The following RASEF variants were observed in gnomAD, a reference collection of about 807,000 sequenced individuals.
RASEF encodes ras and EF-hand domain-containing protein.
In RASEF, 68 loss-of-function variants were observed where a neutral mutation model predicts 90.1. The ratio of observed to expected loss-of-function variants is 0.75; its 90% confidence interval spans 0.62 to 0.92. RASEF has a LOEUF of 0.92. RASEF is among the 40% of genes least tolerant of loss of function. The probability of loss-of-function intolerance (pLI) is 0.00; values close to 1 mark genes in which losing one functional copy is unlikely to be tolerated. For missense variants in RASEF, 949 were observed against 937.2 expected, an observed-to-expected ratio of 1.01 and a Z score of -0.16; for synonymous variants, 331 against 345.2, an observed-to-expected ratio of 0.96 and a Z score of 0.46.
intron 4 of RASEF, 88 bp downstream of exon 4, chr9:83,015,717 T>C (rs1829331332): frequency 3.2e-6 from 3 of 939,512 alleles, no homozygotes; most frequent in African/African-American, 3.3e-5. Flanking sequence ...GCCACTTCAA[T>C]AGGATTCCAA....
rs780777041 is a variant in RASEF at position 83,012,428 on chromosome 9, T to C, written c.843+6A>G. ...GCATTTCTGTAAGTGAAAAGGTAATTCTTACCATTGATAAATCATAAATTT... is the reference window on the plus strand; with the variant it reads ...GCATTTCTGTAAGTGAAAAGGTAATCCTTACCATTGATAAATCATAAATTT... On this transcript the variant is annotated splice_donor_region_variant and intron_variant, in intron 5 of 16. Coordinates refer to ENST00000376447, the MANE Select transcript of RASEF (RefSeq NM_152573.4). 4.0e-6 allele frequency: 6 copies of C among 1,493,324 alleles called. No homozygotes were observed. Among genetic ancestry groups the C allele is most frequent in the South Asian group, 1.2e-5 (1 of 82,890 alleles). 92.5% of individuals were successfully genotyped at this position (1,493,324 alleles called of 1,614,324 possible). A position where few individuals can be genotyped will look rare whatever the true frequency, so the allele number is the denominator to read the frequency against.
chr9:83,022,605 G>C (rs1173488517), intron 2 of RASEF, among the ~76,000 whole-genome samples, 179 bp from the exon 3 acceptor site: 1 of 152,106 alleles, frequency 6.6e-6, no homozygotes, highest in African/African-American at 2.4e-5. Context: ...GACCATTTTG[G>C]TGTAAAATGA....
the RASEF span, among the ~76,000 whole-genome samples, chr9:83,177,587 A>G: frequency 2.0e-5 from 3 of 149,238 alleles, no homozygotes; most frequent in Admixed American, 1.3e-4. Context: ...TGCTAATCTT[A>G]TTGGATTATG....
the RASEF span, among the ~76,000 whole-genome samples, chr9:83,166,696 C>G: frequency 6.6e-6 from 1 of 152,100 alleles, no homozygotes; most frequent in South Asian, 2.1e-4. Context: ...ACCTGACAGA[C>G]TGACAGAGGA....
At position 82,981,743 on chromosome 9, in the gene RASEF, T is replaced by C. The variant is rs1191577425; in HGVS notation, c.*934A>G. On this transcript the variant is annotated 3_prime_UTR_variant, in exon 17 of 17. Coordinates refer to ENST00000376447, the MANE Select transcript of RASEF (RefSeq NM_152573.4). The stretch of plus-strand genomic sequence containing the variant: ...CTCATCATCGCCCAAAGAAACCACA[T>C]ACCTATTAGCAGTCACTCCCCATCC... The C allele has an allele frequency of 1.3e-5, 2 of 152,170 alleles. No individual in the cohort carries two copies. The highest frequency in any genetic ancestry group is 2.9e-5 in the Non-Finnish European group (2 of 68,048). The allele number at this position is 152,170 out of a possible 1,614,324, so 9.4% of individuals were successfully genotyped here.
At chr9:83,125,783 C>T in the RASEF span, among the ~76,000 whole-genome samples, 14 of 152,240 alleles carry the variant, frequency 9.2e-5, no homozygotes, top group South Asian at 4.1e-4. Flanking sequence ...AAGTTGCAGA[C>T]GGTACATTTT....
At chr9:83,105,311 G>A in the RASEF span, among the ~76,000 whole-genome samples, 1 of 152,046 alleles carries the variant, frequency 6.6e-6, no homozygotes, top group Non-Finnish European at 1.5e-5. Context: ...GCAGCACTAT[G>A]TTAAAAGTGA....
In RASEF at chr9:82,979,978, C is replaced by T. The variant is rs1828568687; in HGVS notation, c.*2699G>A. 2.0e-5 allele frequency: 3 copies of T among 151,912 alleles called. No homozygotes were observed. In the East Asian group the frequency reaches 5.8e-4, roughly 29 times the overall value. The allele number at this position is 151,912 out of a possible 1,614,324, so 9.4% of individuals were successfully genotyped here. On this transcript the variant is annotated 3_prime_UTR_variant, in exon 17 of 17. Transcript: ENST00000376447. ...CAGATCACATCAAGTGTTAAATAAT[C>T]AAATGTCACATATGTCATATAAAGC...
the RASEF span, among the ~76,000 whole-genome samples, chr9:83,185,651 C>T: frequency 1.3e-5 from 2 of 152,100 alleles, no homozygotes; most frequent in Non-Finnish European, 2.9e-5. Context: ...CACAATGAGT[C>T]TCCCAAGGCT....
chr9:83,182,838 T>C, the RASEF span, among the ~76,000 whole-genome samples: 1 of 152,192 alleles, frequency 6.6e-6, no homozygotes, highest in African/African-American at 2.4e-5. Flanking sequence ...CAAAACATGA[T>C]ATATCCATAT....
the RASEF span, among the ~76,000 whole-genome samples, chr9:83,182,746 G>A: frequency 1.3e-5 from 2 of 152,032 alleles, no homozygotes; most frequent in Admixed American, 1.3e-4. Context: ...ATATGTGCAA[G>A]TATTTGGGTG....
At chr9:83,108,709 T>A in the RASEF span, among the ~76,000 whole-genome samples, 1 of 152,198 alleles carries the variant, frequency 6.6e-6, no homozygotes, top group Non-Finnish European at 1.5e-5. Context: ...ACTAAATTAC[T>A]CTACTGAGAA....
chr9:83,092,019 T>A, the RASEF span, among the ~76,000 whole-genome samples: 2 of 142,344 alleles, frequency 1.4e-5, no homozygotes, highest in Admixed American at 7.0e-5. Flanking sequence ...TTTTTTTTTT[T>A]TTTTTTTTTT....
At chr9:83,165,357 C>G in the RASEF span, among the ~76,000 whole-genome samples, 4 of 152,020 alleles carry the variant, frequency 2.6e-5, no homozygotes, top group African/African-American at 9.7e-5. Flanking sequence ...AGAAAGACAG[C>G]CAGGAAATCC....
chr9:83,060,748 T>C (rs1251647272), intron 1 of RASEF, among the ~76,000 whole-genome samples: 1 of 152,192 alleles, frequency 6.6e-6, no homozygotes, highest in African/African-American at 2.4e-5. Context: ...TTAGATCTCT[T>C]CCACTTGAAC....
chr9:83,180,236 C>T, the RASEF span, among the ~76,000 whole-genome samples: 1 of 152,044 alleles, frequency 6.6e-6, no homozygotes, highest in Non-Finnish European at 1.5e-5. Context: ...TAACCTGTAC[C>T]TGCATATTAG....
In RASEF at chr9:82,980,780, T is replaced by C. The variant is rs962507974; in HGVS notation, c.*1897A>G. 6.6e-6 allele frequency: 1 copy of C among 152,188 alleles called. No individual in the cohort carries two copies. The highest frequency in any genetic ancestry group is 6.5e-5 in the Admixed American group (1 of 15,278). The allele number at this position is 152,188 out of a possible 1,614,324, so 9.4% of individuals were successfully genotyped here. On this transcript the variant is annotated 3_prime_UTR_variant, in exon 17 of 17. Transcript: ENST00000376447. ...CCACATAAATAATACCCCCCTTATT[T>C]TGAAAAATTTCCCATATGCAAGACA...
In RASEF at chr9:82,982,739, T is replaced by C. The variant is rs1168458554; in HGVS notation, c.2161A>G (p.Thr721Ala). The C allele has an allele frequency of 1.2e-6, 2 of 1,610,704 alleles. No individual in the cohort carries two copies. The highest frequency in any genetic ancestry group is 2.7e-5 in the African/African-American group (2 of 74,800). ...TTGGAATTGGTCCCGGTTAGATTGG[T>C]AATGGATCTGCTGTCATCCTTGTCA... is the stretch of plus-strand genomic sequence containing the variant. ...RTDKDDSRSI[T>A]NLTGTNSKKS... Residue 721 changes from threonine (T) to alanine (A), a missense_variant, in exon 17 of 17, where the codon ACC becomes GCC. Around this residue, in one of 3 missense-constraint regions of RASEF, gnomAD observed 288 missense variants for 328.4 expected, o/e 0.88. Coordinates refer to ENST00000376447, the MANE Select transcript of RASEF (RefSeq NM_152573.4).
At chr9:83,184,810 A>G in the RASEF span, among the ~76,000 whole-genome samples, 1 of 149,188 alleles carries the variant, frequency 6.7e-6, no homozygotes, top group Non-Finnish European at 1.5e-5. Context: ...TGCCAGCTGC[A>G]TAATAAGAAT....
Sources: allele counts gnomAD v4.1 joint callset (sites outside exome capture counted in the v4.1 genomes callset), GRCh38; gene constraint gnomAD v4.1.1; regional missense constraint gnomAD v4.1.1; transcripts MANE v1.5; gene names NCBI Gene and HGNC (gene_info 2026-07-23, HGNC 2026-07-21).